The following SH3YL1 variants were observed in gnomAD, a reference collection of about 807,000 sequenced individuals.
SH3YL1 encodes SH3 domain-containing YSC84-like protein 1.
A neutral mutation model predicts 45.8 loss-of-function variants in SH3YL1; 41 were observed. The ratio of observed to expected loss-of-function variants is 0.89; its 90% CI spans 0.70 to 1.16. SH3YL1 has a LOEUF of 1.16. SH3YL1 is among the 50% of genes most tolerant of loss of function. The pLI is 0.00. For missense variants in SH3YL1, 389 were observed against 409.6 expected (o/e 0.95, Z 0.43); for synonymous variants, 152 against 151.4 (o/e 1.00, Z -0.03).
intron 2 of SH3YL1, among the ~76,000 whole-genome samples, chr2:250,219 T>C (rs552946040): frequency 6.6e-6 from 1 of 152,154 alleles, no homozygotes; most frequent in East Asian, 1.9e-4. Context: ...TCAAAGAAAT[T>C]AAGATCCATA....
At chr2:262,424 G>A (rs914035843) in intron 1 of SH3YL1, 11 of 374,068 alleles carry the variant, frequency 2.9e-5, no homozygotes, top group African/African-American at 1.5e-4. Context: ...CTGCTCCCTC[G>A]GGAGACAGGA....
At chr2:236,824 AAG>A (rs1668324741) in intron 4 of SH3YL1, among the ~76,000 whole-genome samples, 2 of 152,174 alleles carry the variant, frequency 1.3e-5, no homozygotes, top group Non-Finnish European at 2.9e-5. Flanking sequence ...GAAAGGCCCT[AAG>A]AGAGTTCCTG....
At chr2:234,042 CATGTATAAAT>C in intron 5 of SH3YL1, 108 bp downstream of exon 5, 1 of 721,604 alleles carries the variant, frequency 1.4e-6, no homozygotes, top group Non-Finnish European at 2.3e-6. Flanking sequence ...ATCTTTCGGG[CATGTATAAAT>C]CTGGGGATGT....
intron 4 of SH3YL1, among the ~76,000 whole-genome samples, chr2:244,183 G>C (rs1286180128): frequency 6.7e-6 from 1 of 148,894 alleles, no homozygotes; most frequent in Non-Finnish European, 1.5e-5. Flanking sequence ...TTCCATAATA[G>C]CATGTGTACA....
chr2:252,449 T>C (rs1294240343), intron 2 of SH3YL1, among the ~76,000 whole-genome samples: 1 of 151,920 alleles, frequency 6.6e-6, no homozygotes, highest in African/African-American at 2.4e-5. Flanking sequence ...CACCCTGGGA[T>C]GGGAGGCAGG....
intron 9 of SH3YL1, among the ~76,000 whole-genome samples, chr2:224,086 T>A (rs1474053): frequency 0.62 from 94,471 of 152,170 alleles, 30,293 homozygotes; most frequent in East Asian, 0.83. Flanking sequence ...TCCGACAGTT[T>A]TATATCCAGC....
At chr2:247,381 TTTAG>T (rs914054223) in intron 4 of SH3YL1, among the ~76,000 whole-genome samples, 153 bp downstream of exon 4, 24 of 152,324 alleles carry the variant, frequency 1.6e-4, no homozygotes, top group African/African-American at 5.8e-4. Context: ...ATCAGATAGC[TTTAG>T]TTAGACATTC....
Position 233,215 on chromosome 2 carries a change from T to G in SH3YL1, c.419A>C (p.Asn140Thr), listed in dbSNP as rs752152652. Residue 140 changes from asparagine to threonine, a missense_variant, in exon 6 of 10, where the codon AAC becomes ACC. Transcript: ENST00000356150. ...VGPLGRNLEG[N>T]VALRSSAAVF... Reference sequence around the variant, plus strand: ...GGCAGCGGAGCTTCTCAGGGCCACGTTTCCTTCCAAGTTCCTGCAAAGCAC... The same window carrying G: ...GGCAGCGGAGCTTCTCAGGGCCACGGTTCCTTCCAAGTTCCTGCAAAGCAC... 28 of 1,574,924 alleles carry G rather than the reference T, an allele frequency of 1.8e-5. No homozygotes were observed. Among genetic ancestry groups the G allele is most frequent in the Non-Finnish European group, 2.4e-5 (28 of 1,159,494 alleles).
chr2:245,537 C>G (rs1195885181), intron 4 of SH3YL1, among the ~76,000 whole-genome samples: 1 of 152,162 alleles, frequency 6.6e-6, no homozygotes, highest in Non-Finnish European at 1.5e-5. Context: ...TCATATAAGG[C>G]TATCTTTAAC....
At position 249,813 on chromosome 2, in the gene SH3YL1, T is replaced by C. The variant is rs1297169758; in HGVS notation, c.144A>G (p.Ala48=). The C allele has an allele frequency of 6.4e-7, 1 of 1,552,090 alleles. No homozygotes were observed. The highest frequency in any genetic ancestry group is 2.4e-5 in the East Asian group (1 of 40,928). The change falls in exon 3 of 10, where the codon GCA becomes GCG. Residue 48 remains alanine (A), a synonymous_variant. Transcript: ENST00000356150. ...ACCCGGCTTTGATCACAGACAGAAT[T>C]GCAAGGCCTTTAGCCTTCGCAATTA... The part of the protein sequence containing the change: ...AHVIAKAKGL[A]ILSVIKAGFL...
At chr2:236,247 TGGGC>T (rs1195331713) in intron 4 of SH3YL1, among the ~76,000 whole-genome samples, 1 of 140,738 alleles carries the variant, frequency 7.1e-6, no homozygotes. Context: ...GGCAGCAGCA[TGGGC>T]CAGGGGAGGC....
At chr2:223,261 C>T (rs986410694) in intron 9 of SH3YL1, among the ~76,000 whole-genome samples, 13 of 152,272 alleles carry the variant, frequency 8.5e-5, no homozygotes, top group East Asian at 1.9e-4. Flanking sequence ...TATCAGGAAA[C>T]GTTTTTCCTT....
At chr2:258,263 A>C (rs1478536344) in intron 1 of SH3YL1, among the ~76,000 whole-genome samples, 1 of 152,184 alleles carries the variant, frequency 6.6e-6, no homozygotes, top group African/African-American at 2.4e-5. Flanking sequence ...AATTTTAATA[A>C]TGTTGATTCT....
intron 1 of SH3YL1, among the ~76,000 whole-genome samples, chr2:258,004 T>G (rs1050630417): frequency 6.6e-6 from 1 of 152,192 alleles, no homozygotes; most frequent in Non-Finnish European, 1.5e-5. Flanking sequence ...TTCTGTTCAT[T>G]GTTCTATGAG....
chr2:246,968 CA>C (rs1223015889), intron 4 of SH3YL1, among the ~76,000 whole-genome samples: 1 of 152,140 alleles, frequency 6.6e-6, no homozygotes, highest in African/African-American at 2.4e-5. Context: ...CAGGCCCTTG[CA>C]AAACGACAGA....
At chr2:247,438 T>C in intron 4 of SH3YL1, 100 bp downstream of exon 4, 1 of 859,556 alleles carries the variant, frequency 1.2e-6, no homozygotes, top group Non-Finnish European at 1.7e-6. Flanking sequence ...GTGCCAATGG[T>C]AACAATAAGA....
chr2:263,807 G>A, intron 1 of SH3YL1, 177 bp downstream of exon 1: 2 of 507,032 alleles, frequency 3.9e-6, no homozygotes, highest in Non-Finnish European at 7.2e-6. Flanking sequence ...CAAAATCGCT[G>A]TGGTCAAGAA....
intron 7 of SH3YL1, 147 bp downstream of exon 7, chr2:230,876 G>T: frequency 1.4e-6 from 1 of 725,516 alleles, no homozygotes; most frequent in Non-Finnish European, 2.4e-6. Flanking sequence ...AAATGTCAAG[G>T]TAGCATGACC....
intron 8 of SH3YL1, among the ~76,000 whole-genome samples, chr2:228,282 C>A (rs1015059046): frequency 6.6e-6 from 1 of 152,176 alleles, no homozygotes; most frequent in Non-Finnish European, 1.5e-5. Flanking sequence ...GTTCGGGGAA[C>A]ACACGTGGTC....
Sources: allele counts gnomAD v4.1 joint callset (sites outside exome capture counted in the v4.1 genomes callset), GRCh38; gene constraint gnomAD v4.1.1; transcripts MANE v1.5; gene names NCBI Gene and HGNC (gene_info 2026-07-23, HGNC 2026-07-21).